Variants in ASTN2 observed in about 807,000 individuals in gnomAD.
ASTN2 encodes the protein astrotactin-2.
In ASTN2, 54 loss-of-function variants were observed where a neutral mutation model predicts 139.8. The ratio of observed to expected loss-of-function variants is 0.39; its 90% confidence interval spans 0.31 to 0.48. ASTN2 has a LOEUF of 0.48. ASTN2 is among the 20% of genes least tolerant of loss of function. ASTN2 has a pLI of 0.95. For synonymous variants in ASTN2, 756 were observed against 719.5 expected (o/e 1.05, Z -0.81); for missense variants, 1,565 against 1,725.1 (o/e 0.91, Z 1.64).
chr9:116,623,892 T>G (rs1482241594), intron 17 of ASTN2, among the ~76,000 whole-genome samples: 1 of 152,088 alleles, frequency 6.6e-6, no homozygotes, highest in African/African-American at 2.4e-5. Context: ...GCTTGGGTCA[T>G]GTGCTTATGT....
intron 13 of ASTN2, among the ~76,000 whole-genome samples, chr9:116,738,422 A>G (rs1418036590): frequency 4.6e-5 from 7 of 151,814 alleles, no homozygotes; most frequent in Non-Finnish European, 7.4e-5. Context: ...AATCATTTGA[A>G]CTCGGGAGGC....
intron 17 of ASTN2, among the ~76,000 whole-genome samples, chr9:116,627,768 G>T (rs1254288284): frequency 6.6e-6 from 1 of 152,192 alleles, no homozygotes; most frequent in Non-Finnish European, 1.5e-5. Context: ...TGTTCTCACT[G>T]AAGTAGAGAA....
chr9:117,016,813 T>TTATATA lies in ASTN2; in HGVS notation c.1424-8560_1424-8555dup, dbSNP rs11378164. On this transcript the variant is annotated intron_variant, in intron 6 of 22. Coordinates refer to ENST00000313400, the MANE Select transcript of ASTN2 (RefSeq NM_001365068.1). Reference sequence around the variant, plus strand: ...GTTATATATAGGTTATATATATGTTTTATATATATATATATGTTTTTCCAA... The same window carrying TTATATA: ...GTTATATATAGGTTATATATATGTTTTATATATATATATATATATATGTTTTTCCAA... 9.6e-3 allele frequency among the ~76,000 whole-genome samples: 884 copies of TTATATA among 92,536 alleles called. 15 individuals are homozygous for TTATATA. The highest frequency in any genetic ancestry group is 0.024 in the African/African-American group (755 of 31,504). 60.7% of individuals were successfully genotyped at this position (92,536 alleles called of 152,430 possible).
chr9:116,780,488 G>A (rs144034697), intron 13 of ASTN2, among the ~76,000 whole-genome samples: 60 of 152,228 alleles, frequency 3.9e-4, no homozygotes, highest in Non-Finnish European at 7.2e-4. Context: ...GAACAGTGTG[G>A]GAGCAATCAA....
chr9:117,371,261 T>C (rs1240515646), intron 1 of ASTN2, among the ~76,000 whole-genome samples: 1 of 152,174 alleles, frequency 6.6e-6, no homozygotes, highest in Admixed American at 6.6e-5. Flanking sequence ...CTAAATCCAG[T>C]TGGACATTCC....
At chr9:117,094,878 G>T (rs79539558) in intron 5 of ASTN2, among the ~76,000 whole-genome samples, 4,114 of 152,312 alleles carry the variant, frequency 0.027, 78 homozygotes, top group Non-Finnish European at 0.041. Context: ...GGTACAGCTT[G>T]TAGATGAAAA....
chr9:117,003,850 A>C (rs983392209), intron 7 of ASTN2, among the ~76,000 whole-genome samples: 20 of 151,770 alleles, frequency 1.3e-4, no homozygotes, highest in Admixed American at 3.9e-4. Context: ...ATGGAAAAAA[A>C]AATCTAAGGG....
chr9:117,056,047 G>A (rs1839054495), intron 5 of ASTN2, among the ~76,000 whole-genome samples: 1 of 152,168 alleles, frequency 6.6e-6, no homozygotes, highest in Admixed American at 6.6e-5. Flanking sequence ...CGGCTCTCAA[G>A]GAACAAAATC....
Position 116,820,291 on chromosome 9 carries a change from C to T in ASTN2, c.2207+326G>A, listed in dbSNP as rs555268555. Among the ~76,000 whole-genome samples, 39 of 152,340 alleles carry T rather than the reference C, an allele frequency of 2.6e-4. No homozygotes were observed. The East Asian group carries it at 7.0e-3, about 27-fold the overall frequency. On this transcript the variant is annotated intron_variant, in intron 12 of 22. Coordinates refer to ENST00000313400, the MANE Select transcript of ASTN2 (RefSeq NM_001365068.1). ...CGTCTGCTTTTGTCTCCAAACTGCACTGACTAGGCCCATACAGGTAGATTC... is the reference window on the plus strand; with the variant it reads ...CGTCTGCTTTTGTCTCCAAACTGCATTGACTAGGCCCATACAGGTAGATTC...
Position 116,461,421 on chromosome 9 carries a change from CAT to C in ASTN2, c.3498-18870_3498-18869del, listed in dbSNP as rs548205985. Among the ~76,000 whole-genome samples, 611 of 151,892 alleles carry C rather than the reference CAT, an allele frequency of 4.0e-3. 3 individuals are homozygous for C. The highest frequency in any genetic ancestry group is 0.013 in the African/African-American group (550 of 41,440). ...ACACATATTTATATACATGTATACG[CAT>C]ATATATATGTACACATATATAGGTG... On this transcript the variant is annotated intron_variant, in intron 20 of 22. Coordinates refer to ENST00000313400, the MANE Select transcript of ASTN2 (RefSeq NM_001365068.1).
At chr9:117,073,880 C>A (rs1333068274) in intron 5 of ASTN2, among the ~76,000 whole-genome samples, 1 of 152,066 alleles carries the variant, frequency 6.6e-6, no homozygotes, top group South Asian at 2.1e-4. Flanking sequence ...ACAAAGCCTG[C>A]CCTAGTGGAT....
At chr9:116,635,101 A>C (rs965131427) in intron 17 of ASTN2, among the ~76,000 whole-genome samples, 1 of 152,236 alleles carries the variant, frequency 6.6e-6, no homozygotes, top group East Asian at 1.9e-4. Flanking sequence ...TGAGGTTATA[A>C]GTAATTAAAT....
chr9:117,057,276 C>T (rs1177528427), intron 5 of ASTN2, among the ~76,000 whole-genome samples: 1 of 152,102 alleles, frequency 6.6e-6, no homozygotes, highest in Non-Finnish European at 1.5e-5. Context: ...TCCTACCCCA[C>T]CCCCAGGGAC....
At chr9:117,307,442 T>C (rs1835030477) in intron 1 of ASTN2, among the ~76,000 whole-genome samples, 1 of 152,214 alleles carries the variant, frequency 6.6e-6, no homozygotes, top group Non-Finnish European at 1.5e-5. Flanking sequence ...CATTGATGCA[T>C]TCCATGACAC....
Position 117,414,513 on chromosome 9 carries a change from C to A in ASTN2, c.426G>T (p.Leu142=), listed in dbSNP as rs146304956. 261 of 1,609,168 alleles carry A rather than the reference C, an allele frequency of 1.6e-4. No individual in the cohort carries two copies. In the African/African-American group the frequency reaches 3.4e-3, roughly 21 times the overall value. The part of the protein sequence containing the change: ...AVQDDLDNTE[L]PFFTLEMSGT... The stretch of plus-strand genomic sequence containing the variant: ...CAGCCTTACCCAGGGTGAAGAAGGG[C>A]AGCTCGGTGTTGTCCAGGTCGTCCT... Residue 142 remains leucine, a synonymous_variant, in exon 1 of 23, where the codon CTG becomes CTT. Coordinates refer to ENST00000313400, the MANE Select transcript of ASTN2 (RefSeq NM_001365068.1). This position sits in a 1 kb window ranked among gnomAD's most constrained non-coding sequence, Gnocchi z 4.2.
intron 13 of ASTN2, among the ~76,000 whole-genome samples, chr9:116,773,830 C>T (rs1830013496): frequency 6.6e-6 from 1 of 151,834 alleles, no homozygotes; most frequent in Non-Finnish European, 1.5e-5. Context: ...CTTTTTTTTC[C>T]CTCCTACAGA....
chr9:117,145,991 C>G (rs570274731), intron 3 of ASTN2, among the ~76,000 whole-genome samples: 2 of 152,264 alleles, frequency 1.3e-5, no homozygotes, highest in South Asian at 4.1e-4. Context: ...TTCTAATCCC[C>G]ACTGTAGCAA....
rs554059822 is a variant in ASTN2 at position 117,414,814 on chromosome 9, A to G, written c.125T>C (p.Leu42Pro). The G allele has an allele frequency of 4.9e-6, 6 of 1,216,502 alleles. No homozygotes were observed. In the African/African-American group the frequency reaches 8.1e-5, roughly 16 times the overall value. The allele number at this position is 1,216,502 out of a possible 1,614,324, so 75.4% of individuals were successfully genotyped here. The part of the protein sequence containing the change: ...LPLLLLFLLL[L>P]PPPPLLAGAT... ...GCCGGCCAGCAGCGGCGGCGGCGGC[A>G]GCAGGAGCAGGAACAGCAGCAGCAG... Residue 42 changes from leucine to proline, a missense_variant, in exon 1 of 23, where the codon CTG becomes CCG. By Grantham distance (98) the Leu-to-Pro change is moderately conservative. Around this residue, in one of 4 missense-constraint regions of ASTN2, gnomAD observed 596 missense variants for 576.8 expected, o/e 1.03. Transcript: ENST00000313400. The surrounding 1 kb of genome is among the most constrained non-coding windows in gnomAD (Gnocchi z 4.2).
intron 19 of ASTN2, among the ~76,000 whole-genome samples, chr9:116,545,145 C>T (rs769562880): frequency 1.3e-5 from 2 of 152,238 alleles, no homozygotes; most frequent in Admixed American, 6.5e-5. Context: ...TGTGCCAATG[C>T]AGAGCCAGGG....
Sources: gnomAD v4.1 joint callset for allele counts (sites outside exome capture counted in the v4.1 genomes callset) on GRCh38, gnomAD v4.1.1 for gene constraint, gnomAD v4.1.1 regional missense constraint, Gnocchi (gnomAD v3.1) non-coding constraint, MANE v1.5 for transcripts, NCBI Gene and HGNC (gene_info 2026-07-23, HGNC 2026-07-21) for gene names.